ABRAXAS2: variants seen among roughly 807,000 people sequenced by gnomAD.
ABRAXAS2 encodes the protein BRISC complex subunit Abraxas 2.
A neutral mutation model predicts 49.0 loss-of-function variants in ABRAXAS2; 23 were observed. The ratio of observed to expected loss-of-function variants is 0.47; its 90% CI spans 0.34 to 0.66. The LOEUF is 0.66. Among genes scored for constraint, ABRAXAS2 ranks in the 30% least tolerant of loss-of-function variants. The pLI, the probability that ABRAXAS2 is intolerant of heterozygous loss-of-function variation, is 0.01. For synonymous variants in ABRAXAS2, 168 were observed against 180.2 expected, an observed-to-expected ratio of 0.93 and a Z score of 0.54; for missense variants, 443 against 511.9, an observed-to-expected ratio of 0.87 and a Z score of 1.30.
intron 5 of ABRAXAS2, among the ~76,000 whole-genome samples, chr10:124,827,162 AT>A (rs776501428): frequency 0.038 from 5,150 of 137,118 alleles, 93 homozygotes; most frequent in Non-Finnish European, 0.048. Context: ...ATTATAGTGC[AT>A]TTTTTTTTTT....
chr10:124,809,415 G>A (rs926416143), intron 2 of ABRAXAS2, among the ~76,000 whole-genome samples: 4 of 151,936 alleles, frequency 2.6e-5, no homozygotes, highest in African/African-American at 9.7e-5. Context: ...CTCCCGAGTA[G>A]CTGGGATTAC....
intron 8 of ABRAXAS2, among the ~76,000 whole-genome samples, chr10:124,832,158 C>A (rs1476238086): frequency 6.6e-6 from 1 of 152,042 alleles, no homozygotes; most frequent in African/African-American, 2.4e-5. Flanking sequence ...CACACCTAGT[C>A]TGTGTCCTGT....
rs1210247946 is a variant in ABRAXAS2 at position 124,834,787 on chromosome 10, G to C, written c.1064G>C (p.Gly355Ala). 1 of 1,614,096 alleles carries C rather than the reference G, an allele frequency of 6.2e-7. No homozygotes were observed. The highest frequency in any genetic ancestry group is 8.5e-7 in the Non-Finnish European group (1 of 1,180,022). The change falls in exon 9 of 9, where the codon GGG becomes GCG. Residue 355 changes from glycine (G) to alanine (A), a missense_variant. This residue lies in a region of ABRAXAS2 where 230 missense variants were observed against 237.0 expected (regional missense o/e 0.97). Transcript: ENST00000298492. The stretch of plus-strand genomic sequence containing the variant: ...GCCGGACTGAAGTATCCTGGAAGTG[G>C]GGCTGACCTTCCTCCTCCCCAAAGA... ...TSAGLKYPGSGADLPPPQRAA... is the reference protein window; with the variant it reads ...TSAGLKYPGSAADLPPPQRAA...
chr10:124,818,118 C>T (rs941857436), intron 3 of ABRAXAS2, among the ~76,000 whole-genome samples: 3 of 152,026 alleles, frequency 2.0e-5, no homozygotes, highest in Non-Finnish European at 2.9e-5. Flanking sequence ...CTTAGTTGGC[C>T]GGGTGCGGTG....
chr10:124,831,231 G>GGA (rs1950930334), intron 7 of ABRAXAS2, 118 bp from the exon 8 acceptor site: 1 of 672,656 alleles, frequency 1.5e-6, no homozygotes, highest in Admixed American at 2.8e-5. Flanking sequence ...ACCTTATGTG[G>GGA]CTGCTTTTTA....
chr10:124,821,313 T>G (rs538084300), intron 4 of ABRAXAS2, among the ~76,000 whole-genome samples: 1 of 146,706 alleles, frequency 6.8e-6, no homozygotes, highest in Admixed American at 6.8e-5. Context: ...ATGCCTGTAA[T>G]CCCAGCACTT....
At chr10:124,812,638 G>A (rs561790546) in intron 2 of ABRAXAS2, among the ~76,000 whole-genome samples, 61 of 151,522 alleles carry the variant, frequency 4.0e-4, no homozygotes, top group Non-Finnish European at 6.9e-4. Context: ...GCAAGACCTT[G>A]TCTCAAAAAT....
chr10:124,830,602 G>A (rs1046065977), intron 7 of ABRAXAS2, among the ~76,000 whole-genome samples: 1 of 152,204 alleles, frequency 6.6e-6, no homozygotes, highest in East Asian at 1.9e-4. Flanking sequence ...CAGGGCCACT[G>A]TGCACCTACC....
At chr10:124,802,298 G>A (rs1168460419) in intron 1 of ABRAXAS2, among the ~76,000 whole-genome samples, 1 of 152,200 alleles carries the variant, frequency 6.6e-6, no homozygotes, top group Non-Finnish European at 1.5e-5. Context: ...GTTTAGTCCA[G>A]TAGGCGAGGT....
In ABRAXAS2 at chr10:124,831,380, G is replaced by A; in HGVS notation, c.695G>A (p.Arg232Gln). The A allele has an allele frequency of 3.7e-6, 6 of 1,612,902 alleles. No individual in the cohort carries two copies. Among genetic ancestry groups the A allele is most frequent in the Middle Eastern group, 1.7e-4 (1 of 6,058 alleles). Residue 232 changes from arginine to glutamine, a missense_variant, in exon 8 of 9, where the codon CGA becomes CAA. By Grantham distance (43) the Arg-to-Gln change is conservative (BLOSUM62 1). Coordinates refer to ENST00000298492, the MANE Select transcript of ABRAXAS2 (RefSeq NM_032182.4). ...TGTGCAGATGTTGAAAAGAGTGAGCGAGTTGTTGAATCTTGTCAGGCAGAA... is the reference window on the plus strand; with the variant it reads ...TGTGCAGATGTTGAAAAGAGTGAGCAAGTTGTTGAATCTTGTCAGGCAGAA... ...AVCADVEKSE[R>Q]VVESCQAEVN... is the part of the protein sequence containing the mutation.
At chr10:124,802,159 C>G (rs564489558) in intron 1 of ABRAXAS2, among the ~76,000 whole-genome samples, 15 of 152,358 alleles carry the variant, frequency 9.8e-5, no homozygotes, top group African/African-American at 3.6e-4. Flanking sequence ...TGCAGCAAAA[C>G]TGTCCCACCT....
chr10:124,802,383 A>G (rs1460469251), intron 1 of ABRAXAS2, among the ~76,000 whole-genome samples: 1 of 152,184 alleles, frequency 6.6e-6, no homozygotes, highest in Non-Finnish European at 1.5e-5. Context: ...CACTACTGAT[A>G]CTTGTTAGAC....
At chr10:124,821,867 G>A (rs1178617582) in intron 4 of ABRAXAS2, among the ~76,000 whole-genome samples, 2 of 152,150 alleles carry the variant, frequency 1.3e-5, no homozygotes, top group South Asian at 2.1e-4. Context: ...TTTTACATGG[G>A]TTCAACAATA....
Position 124,834,510 on chromosome 10 carries a change from C to G in ABRAXAS2, c.787C>G (p.Gln263Glu). The G allele has an allele frequency of 1.2e-6, 2 of 1,610,810 alleles. No individual in the cohort carries two copies. Among genetic ancestry groups the G allele is most frequent in the Non-Finnish European group, 8.5e-7 (1 of 1,177,684 alleles). The change falls in exon 9 of 9, where the codon CAG (glutamine) becomes GAG (glutamate). Residue 263 changes from glutamine to glutamate, a missense_variant. Around this residue, in one of 3 missense-constraint regions of ABRAXAS2, gnomAD observed 230 missense variants for 237.0 expected, o/e 0.97. Transcript: ENST00000298492. ...NEKEQERRLQ[Q>E]AVLSRQMPSE... ...TCTTTGTTTTCATCCAGGATTGCAGCAGGCAGTGTTAAGCAGACAGATGCC... is the reference window on the plus strand; with the variant it reads ...TCTTTGTTTTCATCCAGGATTGCAGGAGGCAGTGTTAAGCAGACAGATGCC...
At chr10:124,809,714 C>T (rs906389488) in intron 2 of ABRAXAS2, among the ~76,000 whole-genome samples, 10 of 151,908 alleles carry the variant, frequency 6.6e-5, no homozygotes, top group Admixed American at 2.0e-4. Flanking sequence ...GAATGAGGCC[C>T]AACACAAATT....
At chr10:124,815,766 G>T (rs1458354103) in intron 2 of ABRAXAS2, among the ~76,000 whole-genome samples, 1 of 152,024 alleles carries the variant, frequency 6.6e-6, no homozygotes, top group Non-Finnish European at 1.5e-5. Context: ...TCTTTGAAAG[G>T]GTTAATAGAC....
chr10:124,803,391 T>C (rs1308679905), intron 1 of ABRAXAS2, among the ~76,000 whole-genome samples: 1 of 152,224 alleles, frequency 6.6e-6, no homozygotes, highest in East Asian at 1.9e-4. Context: ...AATTTTAAGG[T>C]TGAAGAACCA....
chr10:124,804,504 T>C (rs1248218965), intron 1 of ABRAXAS2, among the ~76,000 whole-genome samples: 1 of 152,116 alleles, frequency 6.6e-6, no homozygotes, highest in African/African-American at 2.4e-5. Context: ...TTTTTTCACT[T>C]TGATTTTTTG....
intron 2 of ABRAXAS2, among the ~76,000 whole-genome samples, chr10:124,811,390 A>T (rs1344847802): frequency 2.0e-5 from 3 of 152,074 alleles, no homozygotes; most frequent in Non-Finnish European, 4.4e-5. Context: ...ACCTGGCATG[A>T]TCACAAAAAT....
Sources: gnomAD v4.1 joint callset for allele counts (sites outside exome capture counted in the v4.1 genomes callset) on GRCh38, gnomAD v4.1.1 for gene constraint, gnomAD v4.1.1 regional missense constraint, MANE v1.5 for transcripts, NCBI Gene and HGNC (gene_info 2026-07-23, HGNC 2026-07-21) for gene names.